PTPRT: variants seen among roughly 807,000 people sequenced by gnomAD.
PTPRT encodes receptor-type tyrosine-protein phosphatase T.
Under a neutral mutation model 176.8 loss-of-function variants are expected in PTPRT, and 56 were observed. The ratio of observed to expected loss-of-function variants is 0.32; its 90% CI spans 0.26 to 0.40. PTPRT has a LOEUF of 0.40. Among genes scored for constraint, PTPRT ranks in the 10% least tolerant of loss-of-function variants. The probability of loss-of-function intolerance (pLI) is 1.00; values close to 1 mark genes in which losing one functional copy is unlikely to be tolerated. For missense variants in PTPRT, 1,540 were observed against 1,908.2 expected, an observed-to-expected ratio of 0.81 and a Z score of 3.60; for synonymous variants, 783 against 739.0, an observed-to-expected ratio of 1.06 and a Z score of -0.96.
intron 7 of PTPRT, among the ~76,000 whole-genome samples, chr20:42,568,471 G>A (rs958586866): frequency 1.3e-5 from 2 of 152,158 alleles, no homozygotes; most frequent in African/African-American, 2.4e-5. Context: ...CTAGGTCTCC[G>A]AAGTCCACCT....
rs1389721903 is a variant in PTPRT at position 42,999,956 on chromosome 20, T to A, written c.89-114024A>T. Among the ~76,000 whole-genome samples the A allele has an allele frequency of 2.0e-5, 3 of 151,594 alleles. No individual in the cohort carries two copies. The East Asian group carries it at 5.8e-4, about 29-fold the overall frequency. ...TTTAGAACTTCATCCCACAATGAGA[T>A]GGGATATGCCCTCAAGTCAGTGGCT... On this transcript the variant is annotated intron_variant, in intron 1 of 30. Transcript: ENST00000373187.
intron 7 of PTPRT, among the ~76,000 whole-genome samples, chr20:42,511,794 C>T (rs138584970): frequency 7.1e-4 from 108 of 151,958 alleles, no homozygotes; most frequent in South Asian, 2.7e-3. Context: ...AGGGCTACAC[C>T]CTGGGCCTTT....
chr20:43,183,468 G>A (rs1220988792), intron 1 of PTPRT, among the ~76,000 whole-genome samples: 1 of 152,176 alleles, frequency 6.6e-6, no homozygotes, highest in Non-Finnish European at 1.5e-5. Context: ...TTAGGGAGCT[G>A]AGATTTACAC....
rs916892708 is a variant in PTPRT at position 42,956,553 on chromosome 20, C to G, written c.89-70621G>C. 2.0e-5 allele frequency among the ~76,000 whole-genome samples: 3 copies of G among 152,110 alleles called. No individual in the cohort carries two copies. The East Asian group carries it at 5.8e-4, about 29-fold the overall frequency. Reference sequence around the variant, plus strand: ...ATGCCAGCACCATGCTTTCTGGAAGCCTGCAGAACCAGGAGCCAATTAAAT... The same window carrying G: ...ATGCCAGCACCATGCTTTCTGGAAGGCTGCAGAACCAGGAGCCAATTAAAT... On this transcript the variant is annotated intron_variant, in intron 1 of 30. Transcript: ENST00000373187.
chr20:42,235,182 C>G (rs1600710479), intron 15 of PTPRT, among the ~76,000 whole-genome samples: 2 of 152,214 alleles, frequency 1.3e-5, no homozygotes, highest in South Asian at 2.1e-4. Flanking sequence ...CTTTTTATCA[C>G]CAAGGATCTA....
Position 42,857,707 on chromosome 20 carries a change from C to T in PTPRT, c.214+28100G>A, listed in dbSNP as rs542803720. Among the ~76,000 whole-genome samples, 27 of 152,318 alleles carry T rather than the reference C, an allele frequency of 1.8e-4. No homozygotes were observed. The South Asian group carries it at 5.6e-3, about 32-fold the overall frequency. On this transcript the variant is annotated intron_variant, in intron 2 of 30. Transcript: ENST00000373187. ...CCTCAGCTGTCTTCCTACTCACAAT[C>T]GGCAAATCATAGGCTGGCTCCTGAG...
intron 13 of PTPRT, among the ~76,000 whole-genome samples, chr20:42,252,683 AG>A: frequency 6.6e-6 from 1 of 152,364 alleles, no homozygotes; most frequent in Non-Finnish European, 1.5e-5. Context: ...TTTTCCCAAA[AG>A]AATTCCAAGA....
intron 1 of PTPRT, among the ~76,000 whole-genome samples, chr20:43,027,101 G>A (rs937961927): frequency 5.9e-5 from 9 of 152,130 alleles, no homozygotes; most frequent in African/African-American, 1.9e-4. Flanking sequence ...CAGTGGGATC[G>A]CTAGATCATA....
chr20:43,121,118 G>A (rs1033582498), intron 1 of PTPRT, among the ~76,000 whole-genome samples: 1 of 151,608 alleles, frequency 6.6e-6, no homozygotes, highest in East Asian at 1.9e-4. Flanking sequence ...ACGCTATGTT[G>A]TTACCTGTGT....
intron 1 of PTPRT, among the ~76,000 whole-genome samples, chr20:43,138,869 A>G (rs1383571630): frequency 6.6e-6 from 1 of 152,184 alleles, no homozygotes; most frequent in Non-Finnish European, 1.5e-5. Context: ...GTGGATGCAG[A>G]GCCTCTGTCA....
chr20:42,724,078 A>G (rs2076342389), intron 6 of PTPRT, among the ~76,000 whole-genome samples: 1 of 152,236 alleles, frequency 6.6e-6, no homozygotes, highest in African/African-American at 2.4e-5. Context: ...TCATTTGTTC[A>G]TTCAGCAAAT....
chr20:42,080,259 TG>T lies in PTPRT; in HGVS notation c.*619del. 4.3e-6 allele frequency: 1 copy of T among 233,062 alleles called. No individual in the cohort carries two copies. Among genetic ancestry groups the T allele is most frequent in the Non-Finnish European group, 8.5e-6 (1 of 117,974 alleles). The allele number at this position is 233,062 out of a possible 1,614,324, so 14.4% of individuals were successfully genotyped here. On this transcript the variant is annotated 3_prime_UTR_variant, in exon 31 of 31. Transcript: ENST00000373187. ...AATGCTGGACGGTCAAGGCCCAGGC[TG>T]GGGAAGGGGTACAGAATGGTTGTGG...
chr20:43,108,522 T>A (rs1049761596), intron 1 of PTPRT, among the ~76,000 whole-genome samples: 1 of 152,124 alleles, frequency 6.6e-6, no homozygotes, highest in Non-Finnish European at 1.5e-5. Flanking sequence ...TTGGGCGATT[T>A]GTTATGCAGC....
intron 13 of PTPRT, among the ~76,000 whole-genome samples, chr20:42,269,740 G>C (rs1455209010): frequency 6.6e-6 from 1 of 152,210 alleles, no homozygotes; most frequent in Non-Finnish European, 1.5e-5. Context: ...CTCTGCATGT[G>C]TACGGTCTAC....
At chr20:42,565,804 C>A (rs1035702551) in intron 7 of PTPRT, among the ~76,000 whole-genome samples, 1 of 152,070 alleles carries the variant, frequency 6.6e-6, no homozygotes, top group Non-Finnish European at 1.5e-5. Flanking sequence ...CACTGCTTAA[C>A]AGCTGTGCAG....
At chr20:42,496,498 T>A (rs2071656115) in intron 7 of PTPRT, among the ~76,000 whole-genome samples, 1 of 152,146 alleles carries the variant, frequency 6.6e-6, no homozygotes, top group Non-Finnish European at 1.5e-5. Flanking sequence ...TCCTTCTATG[T>A]CTTTCCTCAT....
chr20:42,904,710 C>T (rs1041358137), intron 1 of PTPRT, among the ~76,000 whole-genome samples: 3 of 152,090 alleles, frequency 2.0e-5, no homozygotes, highest in Non-Finnish European at 4.4e-5. Flanking sequence ...CCCTGGCCCA[C>T]CACACCCCCA....
chr20:42,652,118 A>G (rs1011558674), intron 7 of PTPRT, among the ~76,000 whole-genome samples: 7 of 152,096 alleles, frequency 4.6e-5, no homozygotes, highest in African/African-American at 1.4e-4. Context: ...TATATCTTCA[A>G]TTGCTATTAA....
intron 2 of PTPRT, among the ~76,000 whole-genome samples, chr20:42,823,373 A>T (rs2077933796): frequency 6.6e-6 from 1 of 152,128 alleles, no homozygotes; most frequent in African/African-American, 2.4e-5. Context: ...AATAACACAC[A>T]CCAGGGCCTG....
Sources: allele counts gnomAD v4.1 joint callset (sites outside exome capture counted in the v4.1 genomes callset), GRCh38; gene constraint gnomAD v4.1.1; transcripts MANE v1.5; gene names NCBI Gene and HGNC (gene_info 2026-07-23, HGNC 2026-07-21).